Variants in SCN9A observed in about 807,000 individuals in gnomAD.
SCN9A encodes sodium channel protein type 9 subunit alpha.
In SCN9A, 131 loss-of-function variants were observed where a neutral mutation model predicts 187.0. The observed-to-expected ratio is 0.70, with a 90% CI of 0.61 to 0.81. The LOEUF (loss-of-function observed/expected upper bound fraction) is 0.81, where lower values mean the gene tolerates loss of function less well. Among genes scored for constraint, SCN9A ranks in the 30% least tolerant of loss-of-function variants. SCN9A has a pLI of 0.00. For synonymous variants in SCN9A, 809 were observed against 808.6 expected (o/e 1.00, Z -0.01); for missense variants, 2,252 against 2,396.6 (o/e 0.94, Z 1.26).
At chr2:166,248,117 A>C (rs1322144451) in intron 18 of SCN9A, 1 of 152,156 alleles carries the variant, frequency 6.6e-6, no homozygotes, top group Non-Finnish European at 1.5e-5. Context: ...TCGTTTTAAC[A>C]TTTATCTTCA....
At chr2:166,366,301 A>G (rs1470170749) in intron 1 of SCN9A, among the ~76,000 whole-genome samples, 1 of 152,084 alleles carries the variant, frequency 6.6e-6, no homozygotes, top group African/African-American at 2.4e-5. Context: ...TACTTATTTC[A>G]CTTAGCATGT....
At chr2:166,216,332 A>T (rs1408904069) in intron 24 of SCN9A, among the ~76,000 whole-genome samples, 3 of 152,106 alleles carry the variant, frequency 2.0e-5, no homozygotes, top group East Asian at 1.9e-4. Flanking sequence ...CAAGACAAGG[A>T]TATCGACTAT....
At chr2:166,366,164 G>A (rs2105322815) in intron 1 of SCN9A, among the ~76,000 whole-genome samples, 1 of 152,168 alleles carries the variant, frequency 6.6e-6, no homozygotes, top group East Asian at 1.9e-4. Context: ...CAACTAGACC[G>A]GATCTAATGA....
rs138245303 is a variant in SCN9A at position 166,234,513 on chromosome 2, C to T, written c.3802-1051G>A. 1.8e-3 allele frequency among the ~76,000 whole-genome samples: 271 copies of T among 152,234 alleles called. 1 individual carries two copies. Among genetic ancestry groups the T allele is most frequent in the African/African-American group, 6.3e-3 (261 of 41,554 alleles). ...ACAAAAAGTTCATTGCTGTTACCATCAGAGACAGGTAAACTGACTGATGAA... is the reference window on the plus strand; with the variant it reads ...ACAAAAAGTTCATTGCTGTTACCATTAGAGACAGGTAAACTGACTGATGAA... On this transcript the variant is annotated intron_variant, in intron 20 of 26. Transcript: ENST00000642356.
At chr2:166,304,781 T>C (rs1294667459) in intron 5 of SCN9A, among the ~76,000 whole-genome samples, 1 of 152,084 alleles carries the variant, frequency 6.6e-6, no homozygotes, top group Admixed American at 6.6e-5. Context: ...GAAATTGAAG[T>C]GACTGCTAAT....
chr2:166,366,391 T>C (rs1384470813), intron 1 of SCN9A, among the ~76,000 whole-genome samples: 1 of 152,208 alleles, frequency 6.6e-6, no homozygotes, highest in African/African-American at 2.4e-5. Context: ...CTATTTTATA[T>C]ACAGACCACA....
At chr2:166,347,899 T>C (rs1187004392) in intron 1 of SCN9A, among the ~76,000 whole-genome samples, 1 of 151,962 alleles carries the variant, frequency 6.6e-6, no homozygotes, top group Non-Finnish European at 1.5e-5. Flanking sequence ...GGAGGATAAA[T>C]ATTTAAAAAA....
intron 24 of SCN9A, among the ~76,000 whole-genome samples, chr2:166,223,858 A>C (rs1276261311): frequency 6.6e-6 from 1 of 152,190 alleles, no homozygotes; most frequent in Non-Finnish European, 1.5e-5. Context: ...AGCATGTGTT[A>C]ACTAATTGAA....
At position 166,243,519 on chromosome 2, in the gene SCN9A, G is replaced by A. The variant is rs542074091; in HGVS notation, c.3473-863C>T. ...CTTATTTCTTGAGAAAGAGAGATCA[G>A]TAGAGGCTTCCTAGAAGAGATGGAG... On this transcript the variant is annotated intron_variant, in intron 18 of 26. Coordinates refer to ENST00000642356, the MANE Select transcript of SCN9A (RefSeq NM_001365536.1). Among the ~76,000 whole-genome samples the A allele has an allele frequency of 6.6e-5, 10 of 152,164 alleles. No individual in the cohort carries two copies. The South Asian group carries it at 2.1e-3, about 32-fold the overall frequency.
At position 166,242,639 on chromosome 2, in the gene SCN9A, A is replaced by T; in HGVS notation, c.3490T>A (p.Ser1164Thr). 1 of 1,551,328 alleles carries T rather than the reference A, an allele frequency of 6.4e-7. No homozygotes were observed. Among genetic ancestry groups the T allele is most frequent in the Non-Finnish European group, 8.7e-7 (1 of 1,146,500 alleles). ...GACTCTATGTTAACTTGGCAGCATG[A>T]GAACCTCCATACACAACCTGACAAG... is the stretch of plus-strand genomic sequence containing the variant. ...CFTDGCVWRF[S>T]CCQVNIESGK... Residue 1164 changes from serine to threonine, a missense_variant, in exon 19 of 27, where the codon TCA becomes ACA. By Grantham distance (58) the Ser-to-Thr change is moderately conservative (BLOSUM62 1). Around this residue, in one of 7 missense-constraint regions of SCN9A, gnomAD observed 313 missense variants for 295.3 expected, o/e 1.06. Transcript: ENST00000642356.
chr2:166,295,237 G>A (rs989345309), intron 7 of SCN9A, among the ~76,000 whole-genome samples: 28 of 152,162 alleles, frequency 1.8e-4, no homozygotes, highest in Admixed American at 6.5e-5. Flanking sequence ...TGAGAGGGAG[G>A]ATTGTGATGG....
At chr2:166,285,883 G>T (rs941671663) in intron 11 of SCN9A, among the ~76,000 whole-genome samples, 7 of 152,138 alleles carry the variant, frequency 4.6e-5, no homozygotes, top group African/African-American at 1.7e-4. Context: ...GTGGTTGGGG[G>T]TGGAGGATAT....
At chr2:166,232,080 G>A (rs191368205) in intron 21 of SCN9A, among the ~76,000 whole-genome samples, 1 of 152,202 alleles carries the variant, frequency 6.6e-6, no homozygotes, top group Admixed American at 6.5e-5. Flanking sequence ...GTTAGGGTCG[G>A]GACAGGGCAG....
At chr2:166,265,763 G>A (rs893414672) in intron 17 of SCN9A, among the ~76,000 whole-genome samples, 7 of 151,848 alleles carry the variant, frequency 4.6e-5, no homozygotes, top group Admixed American at 2.6e-4. Flanking sequence ...ATTTTAACTA[G>A]GGTGAGGAGA....
At chr2:166,309,512 A>G (rs1698871887) in intron 2 of SCN9A, among the ~76,000 whole-genome samples, 1 of 152,184 alleles carries the variant, frequency 6.6e-6, no homozygotes, top group Admixed American at 6.5e-5. Flanking sequence ...TGCTTCAAAG[A>G]GAATAAAATA....
chr2:166,304,889 T>C lies in SCN9A; in HGVS notation c.597-560A>G, dbSNP rs547600820. ...ATATACTGAAAAACACTGAATTGTATACTTTAAAATTGTGAATTTTGTAGT... is the reference window on the plus strand; with the variant it reads ...ATATACTGAAAAACACTGAATTGTACACTTTAAAATTGTGAATTTTGTAGT... On this transcript the variant is annotated intron_variant, in intron 5 of 26. Coordinates refer to ENST00000642356, the MANE Select transcript of SCN9A (RefSeq NM_001365536.1). 4.6e-5 allele frequency among the ~76,000 whole-genome samples: 7 copies of C among 152,252 alleles called. No individual in the cohort carries two copies. In the East Asian group the frequency reaches 1.4e-3, roughly 29 times the overall value.
At chr2:166,306,720 A>G in intron 3 of SCN9A, 121 bp from the exon 4 acceptor site, 1 of 757,324 alleles carries the variant, frequency 1.3e-6, no homozygotes, top group Admixed American at 2.2e-5. Flanking sequence ...CTTGTAGACT[A>G]TTTTGTCTCT....
chr2:166,276,391 T>TTGAATAACCTTA (rs1490096629), intron 16 of SCN9A: 1 of 152,242 alleles, frequency 6.6e-6, no homozygotes, highest in East Asian at 1.9e-4. Context: ...ATTCCTATGT[T>TTGAATAACCTTA]TGAATAAAGT....
At chr2:166,344,230 T>C (rs1055765791) in intron 1 of SCN9A, among the ~76,000 whole-genome samples, 5 of 152,058 alleles carry the variant, frequency 3.3e-5, no homozygotes, top group Admixed American at 2.6e-4. Flanking sequence ...TAAAAGTATA[T>C]CAAAATATGA....
Sources: allele counts gnomAD v4.1 joint callset (sites outside exome capture counted in the v4.1 genomes callset), GRCh38; gene constraint gnomAD v4.1.1; regional missense constraint gnomAD v4.1.1; transcripts MANE v1.5; gene names NCBI Gene and HGNC (gene_info 2026-07-23, HGNC 2026-07-21).